Variants in ARHGEF28 observed in about 807,000 individuals in gnomAD.
ARHGEF28 encodes the protein Rho guanine nucleotide exchange factor 28.
In ARHGEF28, 152 loss-of-function variants were observed where a neutral mutation model predicts 206.6. The observed-to-expected ratio is 0.74, with a 90% confidence interval of 0.64 to 0.84. The LOEUF (loss-of-function observed/expected upper bound fraction) is 0.84. Ranked by LOEUF, ARHGEF28 falls within the 40% of genes least tolerant of loss-of-function variation. ARHGEF28 has a pLI of 0.00. For missense variants in ARHGEF28, 2,028 were observed against 2,073.2 expected, an observed-to-expected ratio of 0.98 and a Z score of 0.42; for synonymous variants, 763 against 776.4, an observed-to-expected ratio of 0.98 and a Z score of 0.29.
intron 4 of ARHGEF28, among the ~76,000 whole-genome samples, chr5:73,753,783 C>T (rs1473898323): frequency 6.6e-6 from 1 of 151,962 alleles, no homozygotes; most frequent in Non-Finnish European, 1.5e-5. Flanking sequence ...ATATATAGGC[C>T]CTTACTAGAC....
intron 7 of ARHGEF28, among the ~76,000 whole-genome samples, chr5:73,785,864 C>G (rs888650752): frequency 2.6e-5 from 4 of 151,864 alleles, no homozygotes; most frequent in Admixed American, 2.6e-4. Context: ...TGGAGGCAGC[C>G]GCTCTCACCG....
chr5:73,814,152 T>C (rs1756032741), intron 9 of ARHGEF28, among the ~76,000 whole-genome samples: 1 of 152,208 alleles, frequency 6.6e-6, no homozygotes, highest in Admixed American at 6.5e-5. Flanking sequence ...TTTTCTATTT[T>C]ATACTATTTT....
At chr5:73,745,561 T>G (rs1751676364) in intron 2 of ARHGEF28, among the ~76,000 whole-genome samples, 1 of 152,084 alleles carries the variant, frequency 6.6e-6, no homozygotes, top group Non-Finnish European at 1.5e-5. Context: ...GTAAAAAATG[T>G]TAGTTTAATT....
intron 2 of ARHGEF28, among the ~76,000 whole-genome samples, chr5:73,727,305 C>G (rs924145259): frequency 1.3e-5 from 2 of 152,142 alleles, no homozygotes; most frequent in Non-Finnish European, 2.9e-5. Context: ...AGTTTGTCTC[C>G]TTGCTTAGAC....
intron 1 of ARHGEF28, among the ~76,000 whole-genome samples, chr5:73,628,956 G>T (rs1743184958): frequency 6.6e-6 from 1 of 152,132 alleles, no homozygotes; most frequent in African/African-American, 2.4e-5. Context: ...GAAGCCCAAG[G>T]CAGTGTCACT....
At chr5:73,820,976 T>A (rs1267032715) in intron 9 of ARHGEF28, among the ~76,000 whole-genome samples, 1 of 152,156 alleles carries the variant, frequency 6.6e-6, no homozygotes, top group Non-Finnish European at 1.5e-5. Context: ...CCACCGACCC[T>A]CAGAGTAGCC....
At chr5:73,718,682 A>G (rs56237359) in intron 2 of ARHGEF28, among the ~76,000 whole-genome samples, 2,330 of 152,252 alleles carry the variant, frequency 0.015, 58 homozygotes, top group African/African-American at 0.053. Flanking sequence ...GACCCCTCCA[A>G]ATCTCTGTCA....
chr5:73,752,844 A>C, intron 3 of ARHGEF28, 65 bp from the exon 4 acceptor site: 1 of 1,577,770 alleles, frequency 6.3e-7, no homozygotes. Flanking sequence ...GGGCTAGCAC[A>C]TTGGACCCCT....
chr5:73,649,538 A>G (rs1198769222), intron 1 of ARHGEF28, among the ~76,000 whole-genome samples: 1 of 152,250 alleles, frequency 6.6e-6, no homozygotes, highest in African/African-American at 2.4e-5. Flanking sequence ...ACGAAATTGG[A>G]GCTCAGAGAC....
rs187509753 is a variant in ARHGEF28, at chr5:73,858,124, A to G, written c.1952A>G (p.Asn651Ser). ...GATGCCAAAGATAAAGAGAAGCTGA[A>G]TCGACATCAGTTTGCCCCAGGAACA... is the stretch of plus-strand genomic sequence containing the variant. ...SKDAKDKEKLNRHQFAPGTFS... is the reference protein window; with the variant it reads ...SKDAKDKEKLSRHQFAPGTFS... The change falls in exon 16 of 36, where the codon AAT becomes AGT. Residue 651 changes from asparagine (N) to serine (S), a missense_variant. This residue lies in a region of ARHGEF28 where 1,002 missense variants were observed against 1,015.3 expected (regional missense o/e 0.99). Transcript: ENST00000513042. 4.7e-3 allele frequency: 7,572 copies of G among 1,612,330 alleles called. 30 individuals carry two copies. Among genetic ancestry groups the G allele is most frequent in the Non-Finnish European group, 4.7e-3 (5,516 of 1,179,418 alleles).
intron 18 of ARHGEF28, among the ~76,000 whole-genome samples, chr5:73,867,180 A>C (rs556392983): frequency 6.6e-6 from 1 of 152,188 alleles, no homozygotes; most frequent in African/African-American, 2.4e-5. Context: ...ATGCACGTGT[A>C]AAATGCTTTG....
At chr5:73,875,405 C>T (rs1040306787) in intron 22 of ARHGEF28, among the ~76,000 whole-genome samples, 28 of 150,602 alleles carry the variant, frequency 1.9e-4, no homozygotes, top group Non-Finnish European at 3.1e-4. Context: ...TTTTGCTGTG[C>T]GGAAGCTCTT....
At chr5:73,842,971 A>T (rs1421651340) in intron 11 of ARHGEF28, among the ~76,000 whole-genome samples, 10 of 141,624 alleles carry the variant, frequency 7.1e-5, no homozygotes, top group Non-Finnish European at 1.5e-5. Context: ...TGGGGGACGG[A>T]GTGAGACTCT....
At chr5:73,838,609 C>T (rs747464428) in intron 10 of ARHGEF28, among the ~76,000 whole-genome samples, 8 of 152,144 alleles carry the variant, frequency 5.3e-5, no homozygotes, top group Non-Finnish European at 1.2e-4. Flanking sequence ...TATTTTACTA[C>T]ATTTTACATT....
intron 1 of ARHGEF28, among the ~76,000 whole-genome samples, chr5:73,666,222 T>C (rs1448668905): frequency 6.6e-6 from 1 of 152,170 alleles, no homozygotes; most frequent in East Asian, 1.9e-4. Flanking sequence ...GAGGATAATC[T>C]CCTTTGATTC....
intron 34 of ARHGEF28, 56 bp from the exon 35 acceptor site, chr5:73,911,219 T>C (rs755373054): frequency 2.8e-6 from 4 of 1,437,488 alleles, no homozygotes; most frequent in Non-Finnish European, 3.7e-6. Context: ...AAATACTTTA[T>C]GAAACTTGTA....
rs531959511 is a variant in ARHGEF28 at position 73,634,904 on chromosome 5, A to G, written c.-12+8582A>G. Among the ~76,000 whole-genome samples the G allele has an allele frequency of 2.2e-4, 33 of 152,314 alleles. No homozygotes were observed. The South Asian group carries it at 6.4e-3, about 30-fold the overall frequency. On this transcript the variant is annotated intron_variant, in intron 1 of 35. Coordinates refer to ENST00000513042, the MANE Select transcript of ARHGEF28 (RefSeq NM_001177693.2). Reference sequence around the variant, plus strand: ...TTCCTTTCTTGACATTCTGGTTTTAAAAATAGTTGAAATAAAAATTTTAGT... The same window carrying G: ...TTCCTTTCTTGACATTCTGGTTTTAGAAATAGTTGAAATAAAAATTTTAGT...
chr5:73,820,717 G>T (rs1381720862), intron 9 of ARHGEF28, among the ~76,000 whole-genome samples: 1 of 152,094 alleles, frequency 6.6e-6, no homozygotes, highest in African/African-American at 2.4e-5. Context: ...TCGCACTATG[G>T]TGGGCTTCAT....
At chr5:73,873,272 C>A (rs1034066954) in intron 22 of ARHGEF28, 26 bp downstream of exon 22, 13 of 1,583,702 alleles carry the variant, frequency 8.2e-6, no homozygotes, top group Non-Finnish European at 1.1e-5. Flanking sequence ...AGTCCTTGAC[C>A]TTTATGACGT....
Sources: gnomAD v4.1 joint callset for allele counts (sites outside exome capture counted in the v4.1 genomes callset) on GRCh38, gnomAD v4.1.1 for gene constraint, gnomAD v4.1.1 regional missense constraint, MANE v1.5 for transcripts, NCBI Gene and HGNC (gene_info 2026-07-23, HGNC 2026-07-21) for gene names.